The following FRMD8 variants were observed in gnomAD, a reference collection of about 807,000 sequenced individuals.
FRMD8 encodes FERM domain containing 8.
A neutral mutation model predicts 54.2 loss-of-function variants in FRMD8; 37 were observed. The ratio of observed to expected loss-of-function variants is 0.68; its 90% CI spans 0.53 to 0.90. FRMD8 has a LOEUF of 0.90. FRMD8 is among the 40% of genes least tolerant of loss of function. The pLI, the probability that FRMD8 is intolerant of heterozygous loss-of-function variation, is 0.00. For missense variants in FRMD8, 585 were observed against 653.7 expected (o/e 0.89, Z 1.15); for synonymous variants, 246 against 286.9 (o/e 0.86, Z 1.44).
intron 3 of FRMD8, among the ~76,000 whole-genome samples, chr11:65,391,591 A>C (rs1590648562): frequency 6.6e-6 from 1 of 151,054 alleles, no homozygotes; most frequent in East Asian, 1.9e-4. Context: ...GCTCACTGCA[A>C]CCTCCGCCTC....
At chr11:65,398,584 C>G (rs1856004714) in intron 7 of FRMD8, among the ~76,000 whole-genome samples, 1 of 152,216 alleles carries the variant, frequency 6.6e-6, no homozygotes, top group Admixed American at 6.5e-5. Flanking sequence ...TGGGCTCCAG[C>G]CTGGTGGGCG....
At position 65,387,135 on chromosome 11, in the gene FRMD8, G is replaced by A. The variant is rs1590645023; in HGVS notation, c.85+14G>A. The A allele has an allele frequency of 1.3e-6, 2 of 1,599,518 alleles. No individual in the cohort carries two copies. The highest frequency in any genetic ancestry group is 1.7e-6 in the Non-Finnish European group (2 of 1,176,344). The stretch of plus-strand genomic sequence containing the variant: ...TGGGAGCCCGAGGTGGGTCCCACCC[G>A]CATCTCCTCTTCCACACCCTCCTGG... On this transcript the variant is annotated intron_variant, in intron 2 of 10. Coordinates refer to ENST00000317568, the MANE Select transcript of FRMD8 (RefSeq NM_031904.5).
rs1246256971 is a variant in FRMD8, at chr11:65,393,628, G to C, written c.309G>C (p.Glu103Asp). 1 of 1,608,120 alleles carries C rather than the reference G, an allele frequency of 6.2e-7. No individual in the cohort carries two copies. The highest frequency in any genetic ancestry group is 1.7e-5 in the Admixed American group (1 of 59,996). ...QPYKLGRQWP[E>D]LLLRFTSAPD... ...ACAAGCTGGGACGCCAGTGGCCGGA[G>C]CTGCTGCTGCGCTTCACCAGTGCCC... The change falls in exon 4 of 11, where the codon GAG becomes GAC. Residue 103 changes from glutamate to aspartate, a missense_variant. Physicochemically the swap from Glu to Asp is conservative, Grantham distance 45 (BLOSUM62 2). Coordinates refer to ENST00000317568, the MANE Select transcript of FRMD8 (RefSeq NM_031904.5).
chr11:65,393,705 C>G lies in FRMD8; in HGVS notation c.355+31C>G, dbSNP rs372729326. ...TGCTGCTGCCTGTCTGTCCTTGCCTCGGGACCACCTGAGTCTGCATCTCTG... is the reference window on the plus strand; with the variant it reads ...TGCTGCTGCCTGTCTGTCCTTGCCTGGGGACCACCTGAGTCTGCATCTCTG... On this transcript the variant is annotated intron_variant, in intron 4 of 10. Coordinates refer to ENST00000317568, the MANE Select transcript of FRMD8 (RefSeq NM_031904.5). The G allele has an allele frequency of 3.2e-6, 5 of 1,545,740 alleles. No individual in the cohort carries two copies. The East Asian group carries it at 6.8e-5, about 21-fold the overall frequency.
rs774889745 is a variant in FRMD8, at chr11:65,400,828, C to G, written c.1032C>G (p.Gly344=). Residue 344 remains glycine (G), a synonymous_variant, in exon 9 of 11, where the codon GGC becomes GGG. Coordinates refer to ENST00000317568, the MANE Select transcript of FRMD8 (RefSeq NM_031904.5). This position sits in a 1 kb window ranked among gnomAD's most constrained non-coding sequence, Gnocchi z 4.3. ...LWLEFDGDSE[G]TPVNKLLKIY... is the part of the protein sequence containing the mutation. Reference sequence around the variant, plus strand: ...TGGAGTTCGACGGGGACAGCGAGGGCACACCTGTCAACAAGCTCCTCAAGA... The same window carrying G: ...TGGAGTTCGACGGGGACAGCGAGGGGACACCTGTCAACAAGCTCCTCAAGA... The G allele has an allele frequency of 3.1e-6, 5 of 1,612,550 alleles. No homozygotes were observed. The highest frequency in any genetic ancestry group is 4.2e-6 in the Non-Finnish European group (5 of 1,179,474).
At chr11:65,379,260 C>T in the FRMD8 span, 3 of 1,221,178 alleles carry the variant, frequency 2.5e-6, no homozygotes, top group South Asian at 4.1e-5. Flanking sequence ...GCCTCTTGTT[C>T]CCCTCCAAGA....
At position 65,404,799 on chromosome 11, in the gene FRMD8, T is replaced by G. The variant is rs563528303; in HGVS notation, c.1072-65T>G. ...CCCCAACCAGAGAGCAGAGCTCATT[T>G]CAGGCTCAGCAACAGGCATGGAAGG... On this transcript the variant is annotated intron_variant, in intron 9 of 10. Coordinates refer to ENST00000317568, the MANE Select transcript of FRMD8 (RefSeq NM_031904.5). This position sits in a 1 kb window ranked among gnomAD's most constrained non-coding sequence, Gnocchi z 4.7. 135 of 1,376,364 alleles carry G rather than the reference T, an allele frequency of 9.8e-5. 1 individual carries two copies. In the African/African-American group the frequency reaches 1.5e-3, roughly 15 times the overall value. The allele number at this position is 1,376,364 out of a possible 1,614,324, so 85.3% of individuals were successfully genotyped here.
intron 10 of FRMD8, among the ~76,000 whole-genome samples, chr11:65,409,165 A>C (rs528459267): frequency 6.6e-6 from 1 of 151,826 alleles, no homozygotes; most frequent in East Asian, 1.9e-4. Context: ...AGCTCACTGC[A>C]ACCTCTGCCT....
chr11:65,370,396 T>C, the FRMD8 span, among the ~76,000 whole-genome samples: 80 of 151,472 alleles, frequency 5.3e-4, 2 homozygotes, highest in Non-Finnish European at 1.1e-3. Flanking sequence ...GGGAGAATTG[T>C]ACTGCCAAAA....
intron 2 of FRMD8, chr11:65,387,405 T>C (rs2137856041): frequency 1.6e-6 from 1 of 609,422 alleles, no homozygotes; most frequent in Non-Finnish European, 2.9e-6. Flanking sequence ...TGGTTCATGC[T>C]TGTAATCCCA....
chr11:65,397,037 C>A lies in FRMD8; in HGVS notation c.803+17C>A. 7.3e-7 allele frequency: 1 copy of A among 1,362,366 alleles called. No homozygotes were observed. The highest frequency in any genetic ancestry group is 9.8e-7 in the Non-Finnish European group (1 of 1,025,016). 84.4% of individuals were successfully genotyped at this position (1,362,366 alleles called of 1,614,324 possible). A position where few individuals can be genotyped will look rare whatever the true frequency, so the allele number is the denominator to read the frequency against. On this transcript the variant is annotated intron_variant, in intron 7 of 10. Coordinates refer to ENST00000317568, the MANE Select transcript of FRMD8 (RefSeq NM_031904.5). ...GTTTTATGGGTAAGAGCCACAGCCC[C>A]GCGGTCCCCCACCCCCTCCGCAGGC...
At chr11:65,379,441 G>A in the FRMD8 span, 17 of 1,613,764 alleles carry the variant, frequency 1.1e-5, no homozygotes, top group Admixed American at 1.7e-5. Context: ...TGGGCCCGCC[G>A]CTCCTGGTGG....
chr11:65,394,515 G>T, intron 6 of FRMD8, 90 bp downstream of exon 6: 1 of 1,456,204 alleles, frequency 6.9e-7, no homozygotes, highest in Non-Finnish European at 9.2e-7. Flanking sequence ...GTCTCGCAAG[G>T]TGGGGGCAGG....
chr11:65,380,532 A>T, the FRMD8 span: 1 of 1,372,848 alleles, frequency 7.3e-7, no homozygotes, highest in African/African-American at 1.5e-5. Context: ...CCAGGTTCCC[A>T]CCTCTCCGAG....
chr11:65,377,745 G>A, the FRMD8 span: 1 of 152,796 alleles, frequency 6.5e-6, no homozygotes, highest in Non-Finnish European at 1.5e-5. Flanking sequence ...GTCCTGGTGA[G>A]GGTCAGTGCT....
chr11:65,386,768 G>A lies in FRMD8; in HGVS notation c.-1+7G>A, dbSNP rs974233984. On this transcript the variant is annotated splice_region_variant and intron_variant, in intron 1 of 10. Transcript: ENST00000317568. ...GGCTCTGCGACCCTGCGAGGTGAGAGCACAGCGACGTCTGGCCCGGGCCTC... is the reference window on the plus strand; with the variant it reads ...GGCTCTGCGACCCTGCGAGGTGAGAACACAGCGACGTCTGGCCCGGGCCTC... 2 of 521,368 alleles carry A rather than the reference G, an allele frequency of 3.8e-6. No homozygotes were observed. The highest frequency in any genetic ancestry group is 3.3e-5 in the East Asian group (1 of 30,156). The allele number at this position is 521,368 out of a possible 1,614,324, so 32.3% of individuals were successfully genotyped here.
intron 4 of FRMD8, 93 bp downstream of exon 4, chr11:65,393,767 T>C (rs1287785771): frequency 9.0e-7 from 1 of 1,106,090 alleles, no homozygotes; most frequent in Non-Finnish European, 1.3e-6. Context: ...AGCAAGGAGC[T>C]GCCCTGGCTG....
intron 7 of FRMD8, among the ~76,000 whole-genome samples, chr11:65,397,282 C>T (rs1230551487): frequency 6.6e-6 from 1 of 152,244 alleles, no homozygotes; most frequent in East Asian, 1.9e-4. Context: ...GCCGACCTCG[C>T]CTTCAGCCAG....
At chr11:65,381,809 G>C (rs1291636571), upstream of FRMD8, 2 of 1,419,842 alleles carry the variant, frequency 1.4e-6, no homozygotes, top group Non-Finnish European at 2.0e-6. Context: ...CCTCCCGCCA[G>C]GCCGGAACTC....
Sources: allele counts gnomAD v4.1 joint callset (sites outside exome capture counted in the v4.1 genomes callset), GRCh38; gene constraint gnomAD v4.1.1; non-coding constraint Gnocchi (gnomAD v3.1); transcripts MANE v1.5; gene names NCBI Gene and HGNC (gene_info 2026-07-23, HGNC 2026-07-21).